Variants in ABLIM2 observed in about 807,000 individuals in gnomAD.
The protein encoded by ABLIM2 is actin binding LIM protein family member 2.
ABLIM2 carries 53 observed loss-of-function variants against 97.7 expected under a neutral mutation model. The observed-to-expected ratio is 0.54, with a 90% CI of 0.44 to 0.68. ABLIM2 has a LOEUF of 0.68. ABLIM2 is among the 30% of genes least tolerant of loss of function. The probability of loss-of-function intolerance (pLI) is 0.00; values close to 1 mark genes in which losing one functional copy is unlikely to be tolerated. For missense variants in ABLIM2, 835 were observed against 867.2 expected, an observed-to-expected ratio of 0.96 and a Z score of 0.47; for synonymous variants, 361 against 345.8, an observed-to-expected ratio of 1.04 and a Z score of -0.49.
At chr4:7,997,134 C>T (rs934844036) in intron 16 of ABLIM2, among the ~76,000 whole-genome samples, 4 of 152,110 alleles carry the variant, frequency 2.6e-5, no homozygotes, top group South Asian at 4.1e-4. Flanking sequence ...CACAGTGGCA[C>T]GATCTTGGCT....
intron 17 of ABLIM2, among the ~76,000 whole-genome samples, chr4:7,985,634 C>G: frequency 6.6e-6 from 1 of 152,148 alleles, no homozygotes; most frequent in East Asian, 1.9e-4. Flanking sequence ...AAAGGAGCCC[C>G]GTGTCTGTAA....
chr4:8,146,136 A>C (rs1851767497), intron 1 of ABLIM2, among the ~76,000 whole-genome samples: 1 of 152,232 alleles, frequency 6.6e-6, no homozygotes, highest in African/African-American at 2.4e-5. Context: ...ACCAGCCTTC[A>C]CATAGACTTT....
rs1722843780 is a variant in ABLIM2 at position 7,966,047 on chromosome 4, G to A, written c.*943C>T. 6.6e-6 allele frequency: 1 copy of A among 152,168 alleles called. No individual in the cohort carries two copies. 9.4% of individuals were successfully genotyped at this position (152,168 alleles called of 1,614,324 possible). On this transcript the variant is annotated 3_prime_UTR_variant, in exon 21 of 21. Coordinates refer to ENST00000447017, the MANE Select transcript of ABLIM2 (RefSeq NM_001130083.2). ...AAATAACAGCAAGGAAAACAGTGGT[G>A]GCTATACCTCACATGTATTTACAAA...
intron 14 of ABLIM2, among the ~76,000 whole-genome samples, chr4:8,011,686 C>G (rs1426429451): frequency 6.6e-6 from 1 of 152,240 alleles, no homozygotes; most frequent in African/African-American, 2.4e-5. Flanking sequence ...TCAGGACAAT[C>G]AGAGAAAGAG....
chr4:8,048,171 G>A (rs1456547780), intron 8 of ABLIM2, among the ~76,000 whole-genome samples: 4 of 152,222 alleles, frequency 2.6e-5, no homozygotes, highest in Admixed American at 6.5e-5. Flanking sequence ...GGGTGGGGAT[G>A]AGTCAGAAGG....
chr4:8,100,687 G>C (rs1018513188), intron 2 of ABLIM2, among the ~76,000 whole-genome samples: 1 of 150,302 alleles, frequency 6.7e-6, no homozygotes, highest in East Asian at 2.0e-4. Context: ...CGGAGATTGC[G>C]GTGAGCCAAG....
rs1299188065 is a variant in ABLIM2, at chr4:8,058,615, G to C, written c.763+2352C>G. The stretch of plus-strand genomic sequence containing the variant: ...CCCCGTCCAATCCATCATCAAGTCT[G>C]GGGGCTGCACTCCAGCACATGGCCC... On this transcript the variant is annotated intron_variant, in intron 7 of 20. Transcript: ENST00000447017. This position sits in a 1 kb window ranked among gnomAD's most constrained non-coding sequence, Gnocchi z 4.2. Among the ~76,000 whole-genome samples the C allele has an allele frequency of 6.6e-6, 1 of 152,152 alleles. No homozygotes were observed. Among genetic ancestry groups the C allele is most frequent in the African/African-American group, 2.4e-5 (1 of 41,444 alleles).
In ABLIM2 at chr4:8,147,642, C is replaced by T. The variant is rs947626827; in HGVS notation, c.10+11038G>A. On this transcript the variant is annotated intron_variant, in intron 1 of 20. Coordinates refer to ENST00000447017, the MANE Select transcript of ABLIM2 (RefSeq NM_001130083.2). The surrounding 1 kb of genome is among the most constrained non-coding windows in gnomAD (Gnocchi z 5.3). ...GACTCTGCCTTGAAGATTGGAGCAA[C>T]GTGGCCACAAACCTCAGAATCTGGC... Among the ~76,000 whole-genome samples the T allele has an allele frequency of 5.3e-5, 8 of 152,152 alleles. No homozygotes were observed. The highest frequency in any genetic ancestry group is 1.7e-4 in the African/African-American group (7 of 41,424).
chr4:8,060,001 A>C (rs1045567110), intron 7 of ABLIM2, among the ~76,000 whole-genome samples: 3 of 151,248 alleles, frequency 2.0e-5, no homozygotes, highest in Admixed American at 6.6e-5. Context: ...TCTCTGGGCC[A>C]CCCTTTGCAC....
In ABLIM2 at chr4:8,044,201, C is replaced by A. The variant is rs1284892392; in HGVS notation, c.900+963G>T. Reference sequence around the variant, plus strand: ...CCAGTGGATCCAGCCTCCGCTGAGGCATGAAGAACCCAGGTCCTGGCCTGG... The same window carrying A: ...CCAGTGGATCCAGCCTCCGCTGAGGAATGAAGAACCCAGGTCCTGGCCTGG... On this transcript the variant is annotated intron_variant, in intron 9 of 20. Transcript: ENST00000447017. The surrounding 1 kb of genome is among the most constrained non-coding windows in gnomAD (Gnocchi z 4.4). Among the ~76,000 whole-genome samples the A allele has an allele frequency of 6.6e-6, 1 of 152,146 alleles. No individual in the cohort carries two copies. Among genetic ancestry groups the A allele is most frequent in the Non-Finnish European group, 1.5e-5 (1 of 68,012 alleles).
rs549817616 is a variant in ABLIM2 at position 8,032,573 on chromosome 4, C to G, written c.1048-2797G>C. The stretch of plus-strand genomic sequence containing the variant: ...ACCGAGGAGGCCCTTCCCGGGAGTG[C>G]GGCTGGGTGGTTATGTTTATAACCC... On this transcript the variant is annotated intron_variant, in intron 10 of 20. Coordinates refer to ENST00000447017, the MANE Select transcript of ABLIM2 (RefSeq NM_001130083.2). The surrounding 1 kb of genome is among the most constrained non-coding windows in gnomAD (Gnocchi z 4.3). The G allele has an allele frequency of 1.9e-6, 3 of 1,590,438 alleles. No homozygotes were observed. The highest frequency in any genetic ancestry group is 2.2e-5 in the East Asian group (1 of 44,642).
chr4:8,068,219 T>G lies in ABLIM2; in HGVS notation c.676-7165A>C, dbSNP rs1809366001. Among the ~76,000 whole-genome samples, 1 of 152,196 alleles carries G rather than the reference T, an allele frequency of 6.6e-6. No homozygotes were observed. The highest frequency in any genetic ancestry group is 1.5e-5 in the Non-Finnish European group (1 of 68,036). On this transcript the variant is annotated intron_variant, in intron 6 of 20. Transcript: ENST00000447017. This position sits in a 1 kb window ranked among gnomAD's most constrained non-coding sequence, Gnocchi z 4.5. Reference sequence around the variant, plus strand: ...AGTCCCACCCTCGCCCGCGTGGGGCTCATGATGGCTCGGATTTCAAAATAT... The same window carrying G: ...AGTCCCACCCTCGCCCGCGTGGGGCGCATGATGGCTCGGATTTCAAAATAT...
rs546560252 is a variant in ABLIM2, at chr4:8,020,014, A to G, written c.1369+188T>C. Among the ~76,000 whole-genome samples the G allele has an allele frequency of 4.8e-4, 73 of 151,392 alleles. 1 individual carries two copies. The highest frequency in any genetic ancestry group is 1.3e-3 in the African/African-American group (55 of 41,300). ...GAATTTGGAAGAAACTCAAACACAC[A>G]TCGGTTTGGGGTTGTGAAAACCCGT... On this transcript the variant is annotated intron_variant, in intron 13 of 20. Transcript: ENST00000447017.
At chr4:7,972,374 G>C (rs1194521469) in intron 20 of ABLIM2, among the ~76,000 whole-genome samples, 1 of 152,168 alleles carries the variant, frequency 6.6e-6, no homozygotes, top group Non-Finnish European at 1.5e-5. Context: ...TACTGGTCCT[G>C]ACTCAAGTGT....
chr4:8,106,132 A>G (rs992245410), intron 2 of ABLIM2, among the ~76,000 whole-genome samples: 4 of 152,168 alleles, frequency 2.6e-5, no homozygotes, highest in African/African-American at 9.6e-5. Context: ...GTCCCCCACT[A>G]CTGAGTTCAT....
intron 1 of ABLIM2, among the ~76,000 whole-genome samples, chr4:8,134,420 C>G (rs1849887370): frequency 6.6e-6 from 1 of 152,150 alleles, no homozygotes; most frequent in African/African-American, 2.4e-5. Flanking sequence ...CCTGCTGCCC[C>G]TCCCTCTCCA....
chr4:8,111,144 G>T (rs372697881), intron 1 of ABLIM2, among the ~76,000 whole-genome samples: 1 of 152,236 alleles, frequency 6.6e-6, no homozygotes, highest in African/African-American at 2.4e-5. Flanking sequence ...GTATCCAGAC[G>T]ATGAAATATT....
chr4:8,127,795 G>A lies in ABLIM2; in HGVS notation c.11-21158C>T. 2 of 863,246 alleles carry A rather than the reference G, an allele frequency of 2.3e-6. No homozygotes were observed. Among genetic ancestry groups the A allele is most frequent in the Non-Finnish European group, 2.8e-6 (2 of 719,382 alleles). 53.5% of individuals were successfully genotyped at this position (863,246 alleles called of 1,614,324 possible). A position where few individuals can be genotyped will look rare whatever the true frequency, so the allele number is the denominator to read the frequency against. ...TAGACTCCCGCCACACTATGCGCCA[G>A]AGACACACCTGTCTCCCAGGCATCC... On this transcript the variant is annotated intron_variant, in intron 1 of 20. Transcript: ENST00000447017. The surrounding 1 kb of genome is among the most constrained non-coding windows in gnomAD (Gnocchi z 7.3).
chr4:8,017,210 G>A (rs1325623470), intron 14 of ABLIM2, among the ~76,000 whole-genome samples: 1 of 152,138 alleles, frequency 6.6e-6, no homozygotes, highest in Non-Finnish European at 1.5e-5. Flanking sequence ...AACTAGCCCT[G>A]CTTCATGACC....
Sources: allele counts gnomAD v4.1 joint callset (sites outside exome capture counted in the v4.1 genomes callset), GRCh38; gene constraint gnomAD v4.1.1; non-coding constraint Gnocchi (gnomAD v3.1); transcripts MANE v1.5; gene names NCBI Gene and HGNC (gene_info 2026-07-23, HGNC 2026-07-21).